The following ZC3H11A variants were observed in gnomAD, a reference collection of about 807,000 sequenced individuals.
ZC3H11A encodes zinc finger CCCH-type containing 11A, also known as zinc finger CCCH domain-containing protein 11A.
ZC3H11A carries 22 observed loss-of-function variants against 90.8 expected under a neutral mutation model. The observed-to-expected ratio is 0.24, with a 90% CI of 0.17 to 0.35. ZC3H11A has a LOEUF of 0.35. Among genes scored for constraint, ZC3H11A ranks in the 10% least tolerant of loss-of-function variants. ZC3H11A has a pLI of 1.00. For synonymous variants in ZC3H11A, 294 were observed against 339.8 expected (o/e 0.87, Z 1.48); for missense variants, 701 against 964.9 (o/e 0.73, Z 3.62).
At chr1:203,836,085 G>GA (rs1191492000) in intron 10 of ZC3H11A, among the ~76,000 whole-genome samples, 2 of 152,118 alleles carry the variant, frequency 1.3e-5, no homozygotes, top group Non-Finnish European at 2.9e-5. Flanking sequence ...ATTTTAGGTA[G>GA]AAAAAAATAA....
rs761937044 is a variant in ZC3H11A at position 203,833,379 on chromosome 1, A to AAAAC, written c.812-409_812-408insCAAA. Among the ~76,000 whole-genome samples the AAAAC allele has an allele frequency of 5.8e-3, 842 of 145,760 alleles. 10 individuals are homozygous for AAAAC. Among genetic ancestry groups the AAAAC allele is most frequent in the African/African-American group, 0.017 (700 of 40,020 alleles). On this transcript the variant is annotated intron_variant, in intron 9 of 17. Transcript: ENST00000367210. ...GACTCTGTCTCAAAAAAAAAAAAAA[A>AAAAC]AAAAACACCAGGTGTGGTAGTGTGC...
chr1:203,850,039 A>G lies in ZC3H11A; in HGVS notation c.1939+13A>G, dbSNP rs550035692. ...AAAAGGGGTAAAGGCAAGTATTTCTATACTGTGTATTGCTTTAGGTTATCA... is the reference window on the plus strand; with the variant it reads ...AAAAGGGGTAAAGGCAAGTATTTCTGTACTGTGTATTGCTTTAGGTTATCA... On this transcript the variant is annotated intron_variant, in intron 15 of 17. Coordinates refer to ENST00000367210, the MANE Select transcript of ZC3H11A (RefSeq NM_001376342.1). 23 of 1,613,418 alleles carry G rather than the reference A, an allele frequency of 1.4e-5. No homozygotes were observed. The highest frequency in any genetic ancestry group is 1.3e-4 in the African/African-American group (10 of 74,972).
intron 8 of ZC3H11A, among the ~76,000 whole-genome samples, chr1:203,831,006 C>T (rs900893826): frequency 2.0e-4 from 25 of 126,274 alleles, no homozygotes; most frequent in Middle Eastern, 6.0e-3. Flanking sequence ...AGTGCAATGG[C>T]GCAATCTTTG....
intron 4 of ZC3H11A, among the ~76,000 whole-genome samples, chr1:203,825,183 A>G (rs1476891480): frequency 6.6e-6 from 1 of 152,118 alleles, no homozygotes; most frequent in East Asian, 1.9e-4. Context: ...ACAATATTAA[A>G]TGCACCCAAA....
chr1:203,851,856 C>CT (rs1689360659), intron 17 of ZC3H11A, among the ~76,000 whole-genome samples: 1 of 150,918 alleles, frequency 6.6e-6, no homozygotes, highest in East Asian at 2.0e-4. Flanking sequence ...GTAGACCCAG[C>CT]TACTTGGGAG....
At chr1:203,799,133 C>G (rs1490871294) in intron 1 of ZC3H11A, 3 of 1,505,084 alleles carry the variant, frequency 2.0e-6, no homozygotes, top group Non-Finnish European at 2.7e-6. Context: ...GTTTGATAAC[C>G]AATATTTTAC....
rs539648000 is a variant in ZC3H11A at position 203,799,187 on chromosome 1, C to G, written c.-1587-2388C>G. 67 of 1,234,606 alleles carry G rather than the reference C, an allele frequency of 5.4e-5. 1 individual carries two copies. The Admixed American group carries it at 1.2e-3, about 23-fold the overall frequency. The allele number at this position is 1,234,606 out of a possible 1,614,324, so 76.5% of individuals were successfully genotyped here. On this transcript the variant is annotated intron_variant, in intron 1 of 17. Transcript: ENST00000367210. Reference sequence around the variant, plus strand: ...TTGGTCTGTGGCTTTCTCCAAATTTCCTTATCCCTAGCTTCATTGTTTCTG... The same window carrying G: ...TTGGTCTGTGGCTTTCTCCAAATTTGCTTATCCCTAGCTTCATTGTTTCTG...
At chr1:203,832,377 T>C (rs1459493790) in intron 9 of ZC3H11A, among the ~76,000 whole-genome samples, 1 of 151,922 alleles carries the variant, frequency 6.6e-6, no homozygotes, top group Admixed American at 6.6e-5. Context: ...TTTTTTTTTT[T>C]TTAGATGGAG....
chr1:203,840,736 C>A (rs1308573829), intron 12 of ZC3H11A, among the ~76,000 whole-genome samples: 1 of 151,990 alleles, frequency 6.6e-6, no homozygotes, highest in Non-Finnish European at 1.5e-5. Context: ...TGGGTTCAAG[C>A]AATTCCCCTG....
chr1:203,809,426 C>T (rs1364494056), intron 2 of ZC3H11A, among the ~76,000 whole-genome samples: 1 of 151,500 alleles, frequency 6.6e-6, no homozygotes, highest in Non-Finnish European at 1.5e-5. Flanking sequence ...CCGCCCATCT[C>T]CGAAATCCCA....
intron 2 of ZC3H11A, among the ~76,000 whole-genome samples, chr1:203,805,276 C>T (rs963094891): frequency 4.0e-5 from 6 of 151,060 alleles, no homozygotes; most frequent in Non-Finnish European, 8.8e-5. Context: ...GGACTACAGG[C>T]GCCCGCCACC....
intron 2 of ZC3H11A, 82 bp downstream of exon 2, chr1:203,803,098 GAAATT>G (rs1671017065): frequency 1.3e-5 from 2 of 152,376 alleles, no homozygotes; most frequent in African/African-American, 2.4e-5. Context: ...GGATCAGTAA[GAAATT>G]AAAAGGCCAT....
At chr1:203,835,609 A>G in intron 10 of ZC3H11A, 1 of 188,168 alleles carries the variant, frequency 5.3e-6, no homozygotes, top group Admixed American at 6.0e-5. Flanking sequence ...AGCGTCACTC[A>G]GATTCTGTGT....
chr1:203,805,891 A>G (rs1000196772), intron 2 of ZC3H11A: 11 of 730,798 alleles, frequency 1.5e-5, no homozygotes, highest in African/African-American at 1.8e-5. Context: ...TAAATTCTCA[A>G]TCTGGTCAGT....
At chr1:203,841,746 C>T (rs1259482478) in intron 12 of ZC3H11A, among the ~76,000 whole-genome samples, 1 of 151,896 alleles carries the variant, frequency 6.6e-6, no homozygotes, top group African/African-American at 2.4e-5. Context: ...AGAGGCGCCC[C>T]CCACCTCCCA....
chr1:203,820,402 G>A (rs1306420641), intron 4 of ZC3H11A, among the ~76,000 whole-genome samples: 1 of 151,776 alleles, frequency 6.6e-6, no homozygotes, highest in African/African-American at 2.4e-5. Context: ...TTCAATTTGG[G>A]TTTGTTTGTA....
chr1:203,833,905 C>T (rs1311897937), intron 10 of ZC3H11A, 52 bp downstream of exon 10: 11 of 1,560,460 alleles, frequency 7.0e-6, no homozygotes, highest in Admixed American at 5.7e-5. Flanking sequence ...TGTGCATTAA[C>T]ATGATAGCTT....
intron 6 of ZC3H11A, 54 bp downstream of exon 6, chr1:203,829,708 A>T: frequency 2.5e-6 from 4 of 1,612,510 alleles, no homozygotes; most frequent in Non-Finnish European, 3.4e-6. Flanking sequence ...CTCATAGTGA[A>T]TTGGGCAGAA....
At chr1:203,852,049 A>C in intron 17 of ZC3H11A, 92 bp from the exon 18 acceptor site, 2 of 1,459,592 alleles carry the variant, frequency 1.4e-6, no homozygotes, top group Non-Finnish European at 1.9e-6. Flanking sequence ...TCTTAAAAAC[A>C]AATTTTTGCT....
Sources: gnomAD v4.1 joint callset for allele counts (sites outside exome capture counted in the v4.1 genomes callset) on GRCh38, gnomAD v4.1.1 for gene constraint, MANE v1.5 for transcripts, NCBI Gene and HGNC (gene_info 2026-07-23, HGNC 2026-07-21) for gene names.